CNTNAP4: variants seen among roughly 807,000 people sequenced by gnomAD.
CNTNAP4 encodes contactin-associated protein-like 4.
A neutral mutation model predicts 148.4 loss-of-function variants in CNTNAP4; 98 were observed. The observed-to-expected ratio is 0.66, with a 90% CI of 0.56 to 0.78. The LOEUF is 0.78. Among genes scored for constraint, CNTNAP4 ranks in the 30% least tolerant of loss-of-function variants. The probability of loss-of-function intolerance (pLI) is 0.00; values close to 1 mark genes in which losing one functional copy is unlikely to be tolerated. For missense variants in CNTNAP4, 1,935 were observed against 1,565.6 expected (o/e 1.24, Z -3.98); for synonymous variants, 730 against 565.1 (o/e 1.29, Z -4.14).
In CNTNAP4 at chr16:76,449,734, C is replaced by G; in HGVS notation, c.947C>G (p.Pro316Arg). 1.3e-6 allele frequency: 2 copies of G among 1,591,786 alleles called. No homozygotes were observed. Among genetic ancestry groups the G allele is most frequent in the Non-Finnish European group, 1.7e-6 (2 of 1,168,056 alleles). The change falls in exon 7 of 24, where the codon CCA becomes CGA. Residue 316 changes from proline (P) to arginine (R), a missense_variant. Transcript: ENST00000611870. ...LDYEISFGGI[P>R]APGKSVSFPH... ...TCTAAGATCAGCTTTGGAGGGATTC[C>G]AGCACCTGGAAAATCAGTGTCATTC...
At chr16:76,386,141 T>A (rs1383854473) in intron 3 of CNTNAP4, among the ~76,000 whole-genome samples, 2 of 152,122 alleles carry the variant, frequency 1.3e-5, no homozygotes, top group Non-Finnish European at 2.9e-5. Flanking sequence ...AAGCTTTGAT[T>A]TGGGGTTAAA....
intron 3 of CNTNAP4, among the ~76,000 whole-genome samples, chr16:76,414,400 C>G (rs147520107): frequency 2.6e-5 from 4 of 151,332 alleles, no homozygotes; most frequent in African/African-American, 9.6e-5. Context: ...ATTATTTTTT[C>G]TATATTTTTA....
intron 2 of CNTNAP4, among the ~76,000 whole-genome samples, chr16:76,333,405 C>T (rs1168856951): frequency 6.6e-6 from 1 of 152,180 alleles, no homozygotes. Context: ...AGTTGTTGTA[C>T]TTTGCAACTC....
At chr16:76,522,688 TTTC>T (rs1389115287) in intron 17 of CNTNAP4, among the ~76,000 whole-genome samples, 1 of 4,428 alleles carries the variant, frequency 2.3e-4, no homozygotes, top group Non-Finnish European at 3.8e-4. Context: ...CTTTCTCTCC[TTTC>T]TTTTCTTTTC....
chr16:76,339,941 T>G (rs1040265036), intron 2 of CNTNAP4, among the ~76,000 whole-genome samples: 4 of 152,208 alleles, frequency 2.6e-5, no homozygotes, highest in African/African-American at 9.6e-5. Flanking sequence ...AAGTTGATAT[T>G]TTAACTGCAG....
In CNTNAP4 at chr16:76,542,784, C is replaced by T. The variant is rs146072272; in HGVS notation, c.3442+1994C>T. On this transcript the variant is annotated intron_variant, in intron 21 of 23. Coordinates refer to ENST00000611870, the MANE Select transcript of CNTNAP4 (RefSeq NM_033401.5). The stretch of plus-strand genomic sequence containing the variant: ...AACTGTGATTTGGAAGAGTCCTCGT[C>T]CCCCAAACTCTACACTAGTACAGTA... Among the ~76,000 whole-genome samples, 724 of 152,256 alleles carry T rather than the reference C, an allele frequency of 4.8e-3. 6 individuals carry two copies. The highest frequency in any genetic ancestry group is 0.017 in the African/African-American group (702 of 41,566).
chr16:76,451,072 G>T (rs2080453618), intron 7 of CNTNAP4, among the ~76,000 whole-genome samples: 2 of 152,184 alleles, frequency 1.3e-5, no homozygotes, highest in Admixed American at 1.3e-4. Flanking sequence ...ATCCAGCGAT[G>T]GGCCTGGGCT....
chr16:76,398,717 T>G (rs1274693992), intron 3 of CNTNAP4, among the ~76,000 whole-genome samples: 2 of 152,186 alleles, frequency 1.3e-5, no homozygotes, highest in Non-Finnish European at 2.9e-5. Flanking sequence ...TGCCAACACA[T>G]GATACTATCC....
chr16:76,424,773 A>G (rs897130922), intron 3 of CNTNAP4, among the ~76,000 whole-genome samples: 1 of 151,972 alleles, frequency 6.6e-6, no homozygotes, highest in African/African-American at 2.4e-5. Flanking sequence ...AACAAAAACA[A>G]AAACAAAAAG....
chr16:76,378,536 C>G (rs2015658536), intron 3 of CNTNAP4, among the ~76,000 whole-genome samples: 1 of 152,202 alleles, frequency 6.6e-6, no homozygotes, highest in African/African-American at 2.4e-5. Flanking sequence ...CTGTCCATAT[C>G]ACAGGTCATG....
chr16:76,421,508 G>A (rs865817821), intron 3 of CNTNAP4, among the ~76,000 whole-genome samples: 4 of 152,112 alleles, frequency 2.6e-5, no homozygotes, highest in Middle Eastern at 3.4e-3. Context: ...CTGGGTTTAT[G>A]TTAGCAAATT....
chr16:76,277,552 A>G lies in CNTNAP4; in HGVS notation c.-111A>G, dbSNP rs920924813. The G allele has an allele frequency of 3.1e-5, 21 of 671,136 alleles. No homozygotes were observed. Among genetic ancestry groups the G allele is most frequent in the Non-Finnish European group, 4.7e-5 (18 of 380,528 alleles). 41.6% of individuals were successfully genotyped at this position (671,136 alleles called of 1,614,324 possible). ...AGGAGGAAGGGAGGGGGAGAGACAG[A>G]GACCTAGAGGGGCTGAAGACCCAGA... is the stretch of plus-strand genomic sequence containing the variant. On this transcript the variant is annotated 5_prime_UTR_variant, in exon 1 of 24. Coordinates refer to ENST00000611870, the MANE Select transcript of CNTNAP4 (RefSeq NM_033401.5).
At chr16:76,445,528 C>G in intron 4 of CNTNAP4, among the ~76,000 whole-genome samples, 1 of 152,082 alleles carries the variant, frequency 6.6e-6, no homozygotes, top group East Asian at 1.9e-4. Flanking sequence ...CAGAAAATGA[C>G]AAGTGGCCTT....
intron 3 of CNTNAP4, among the ~76,000 whole-genome samples, chr16:76,384,349 C>T (rs370262853): frequency 6.6e-6 from 1 of 152,012 alleles, no homozygotes; most frequent in Non-Finnish European, 1.5e-5. Flanking sequence ...GCCAAGTTCC[C>T]AGTCTTATAC....
chr16:76,325,843 T>C (rs1962914905), intron 2 of CNTNAP4, among the ~76,000 whole-genome samples: 1 of 152,074 alleles, frequency 6.6e-6, no homozygotes, highest in South Asian at 2.1e-4. Flanking sequence ...GTAAGGATAC[T>C]TTAAGAAACT....
intron 15 of CNTNAP4, among the ~76,000 whole-genome samples, chr16:76,504,840 TAAAC>T (rs1414298698): frequency 6.6e-6 from 1 of 152,112 alleles, no homozygotes; most frequent in Non-Finnish European, 1.5e-5. Context: ...TGGATTTAAA[TAAAC>T]ACAGTAAAGA....
chr16:76,296,579 T>C (rs907773223), intron 1 of CNTNAP4, among the ~76,000 whole-genome samples: 3 of 152,162 alleles, frequency 2.0e-5, no homozygotes, highest in Non-Finnish European at 4.4e-5. Context: ...TATTGAAGTA[T>C]GTTCTAGAAC....
At chr16:76,412,147 T>C (rs2078820341) in intron 3 of CNTNAP4, among the ~76,000 whole-genome samples, 2 of 151,488 alleles carry the variant, frequency 1.3e-5, no homozygotes, top group Non-Finnish European at 3.0e-5. Context: ...TTTATTTTTA[T>C]ATAATGAAAT....
intron 2 of CNTNAP4, among the ~76,000 whole-genome samples, chr16:76,335,909 CAACACAGAGCAGA>C (rs1963983455): frequency 6.6e-6 from 1 of 152,024 alleles, no homozygotes; most frequent in South Asian, 2.1e-4. Context: ...TGAAACAGAC[CAACACAGAGCAGA>C]ATGGAAGCTG....
Sources: allele counts gnomAD v4.1 joint callset (sites outside exome capture counted in the v4.1 genomes callset), GRCh38; gene constraint gnomAD v4.1.1; transcripts MANE v1.5; gene names NCBI Gene and HGNC (gene_info 2026-07-23, HGNC 2026-07-21).